The following NUDC variants were observed in gnomAD, a reference collection of about 807,000 sequenced individuals.
The protein encoded by NUDC is nuclear migration protein nudC.
NUDC carries 14 observed loss-of-function variants against 45.0 expected under a neutral mutation model. The observed-to-expected ratio is 0.31, with a 90% CI of 0.21 to 0.49. NUDC has a LOEUF of 0.49. NUDC is among the 20% of genes least tolerant of loss of function. The pLI, the probability that NUDC is intolerant of heterozygous loss-of-function variation, is 0.99. For synonymous variants in NUDC, 153 were observed against 156.7 expected (o/e 0.98, Z 0.17); for missense variants, 323 against 426.2 (o/e 0.76, Z 2.13).
At chr1:26,925,260 G>A (rs561890911) in intron 2 of NUDC, among the ~76,000 whole-genome samples, 2 of 151,374 alleles carry the variant, frequency 1.3e-5, no homozygotes, top group South Asian at 4.2e-4. Flanking sequence ...AATTTAGAAG[G>A]CCGGGCGCGG....
rs773045340 is a variant in NUDC at position 26,941,575 on chromosome 1, A to G, written c.278A>G (p.Lys93Arg). The G allele has an allele frequency of 3.7e-6, 6 of 1,611,920 alleles. No individual in the cohort carries two copies. In the African/African-American group the frequency reaches 8.0e-5, roughly 22 times the overall value. Residue 93 changes from lysine to arginine, a missense_variant, in exon 3 of 9, where the codon AAG becomes AGG. Coordinates refer to ENST00000321265, the MANE Select transcript of NUDC (RefSeq NM_006600.4). ...EKAERAARLA[K>R]EAKSETSGPQ... ...GCGGAGCGGGCGGCCAGACTGGCCA[A>G]GGAAGCCAAGTCAGAGACCTCAGGG...
At chr1:26,923,617 C>T (rs1164029367) in intron 1 of NUDC, among the ~76,000 whole-genome samples, 1 of 152,010 alleles carries the variant, frequency 6.6e-6, no homozygotes, top group Non-Finnish European at 1.5e-5. Context: ...TTACAGGTGC[C>T]CACCACCTGT....
intron 2 of NUDC, among the ~76,000 whole-genome samples, chr1:26,931,249 T>C (rs993489427): frequency 1.3e-5 from 2 of 150,338 alleles, no homozygotes; most frequent in African/African-American, 4.9e-5. Flanking sequence ...GGCTAATTTT[T>C]GTATTTTTAG....
chr1:26,945,366 A>AC, intron 6 of NUDC, 24 bp from the exon 7 acceptor site: 2 of 1,608,088 alleles, frequency 1.2e-6, no homozygotes, highest in Non-Finnish European at 8.5e-7. Flanking sequence ...GCCACCTCCC[A>AC]CCCTCTGGTT....
chr1:26,939,048 T>G (rs2082257265), intron 2 of NUDC, among the ~76,000 whole-genome samples: 1 of 152,156 alleles, frequency 6.6e-6, no homozygotes, highest in African/African-American at 2.4e-5. Flanking sequence ...TTACCCAGGC[T>G]GGTGGCGCGA....
chr1:26,923,585 T>A (rs1186677487), intron 1 of NUDC, among the ~76,000 whole-genome samples: 1 of 152,124 alleles, frequency 6.6e-6, no homozygotes, highest in Non-Finnish European at 1.5e-5. Context: ...ATTCTCTGCC[T>A]CAGCCTCCCA....
chr1:26,941,887 G>T, intron 4 of NUDC, 69 bp downstream of exon 4: 1 of 1,451,416 alleles, frequency 6.9e-7, no homozygotes, highest in South Asian at 1.2e-5. Context: ...CCTGCCTACT[G>T]CTTTCTCTGG....
chr1:26,934,033 T>A (rs191925602), intron 2 of NUDC, among the ~76,000 whole-genome samples: 2 of 152,080 alleles, frequency 1.3e-5, no homozygotes, highest in East Asian at 1.9e-4. Flanking sequence ...TGTGCCTGTA[T>A]TCCCAGCCAC....
chr1:26,921,808 C>G lies in NUDC; in HGVS notation c.-41C>G. On this transcript the variant is annotated 5_prime_UTR_variant, in exon 1 of 9. Transcript: ENST00000321265. Reference sequence around the variant, plus strand: ...CCGCAGGAGCGTAGAGAGCGCGGGACTAGAGTGCAGAGCTCCGGGACGTGG... The same window carrying G: ...CCGCAGGAGCGTAGAGAGCGCGGGAGTAGAGTGCAGAGCTCCGGGACGTGG... The G allele has an allele frequency of 1.3e-6, 2 of 1,542,836 alleles. No homozygotes were observed. The highest frequency in any genetic ancestry group is 1.8e-6 in the Non-Finnish European group (2 of 1,140,902).
chr1:26,922,156 C>G (rs2082096890), intron 1 of NUDC: 1 of 589,706 alleles, frequency 1.7e-6, no homozygotes, highest in Non-Finnish European at 3.0e-6. Flanking sequence ...ATTATCGCAT[C>G]CCTGAGCTTA....
chr1:26,926,574 G>A (rs2082134500), intron 2 of NUDC, among the ~76,000 whole-genome samples: 1 of 151,918 alleles, frequency 6.6e-6, no homozygotes, highest in Non-Finnish European at 1.5e-5. Context: ...AGTTTTTATA[G>A]CTTTTGGGAC....
At chr1:26,937,939 G>A (rs968855884) in intron 2 of NUDC, among the ~76,000 whole-genome samples, 5 of 152,274 alleles carry the variant, frequency 3.3e-5, no homozygotes, top group Middle Eastern at 3.4e-3. Context: ...GGGAGCCCCC[G>A]TGCCCGACCT....
upstream of NUDC, among the ~76,000 whole-genome samples, chr1:26,921,433 G>A (rs377506948): frequency 6.6e-5 from 10 of 152,300 alleles, 1 homozygote; most frequent in East Asian, 1.7e-3. Flanking sequence ...AGCTGGGGGG[G>A]TCGCTAGCAA....
At chr1:26,931,777 A>G (rs1332143264) in intron 2 of NUDC, among the ~76,000 whole-genome samples, 1 of 147,248 alleles carries the variant, frequency 6.8e-6, no homozygotes, top group Non-Finnish European at 1.5e-5. Context: ...CTCCATCTCA[A>G]AAAAAAAAAG....
At chr1:26,943,196 A>C (rs917722057) in intron 6 of NUDC, 131 bp downstream of exon 6, 26 of 961,986 alleles carry the variant, frequency 2.7e-5, no homozygotes, top group Non-Finnish European at 4.1e-5. Context: ...ACACTCTTTA[A>C]AGTAGATCTG....
chr1:26,913,554 ACTG>A (rs2082041443), intron 3 of NUDC: 1 of 1,613,932 alleles, frequency 6.2e-7, no homozygotes. Flanking sequence ...CACTGCCTCC[ACTG>A]CTGCTGGGCT....
intron 2 of NUDC, among the ~76,000 whole-genome samples, chr1:26,936,082 C>T (rs1479224173): frequency 1.5e-5 from 2 of 133,414 alleles, no homozygotes; most frequent in African/African-American, 5.6e-5. Flanking sequence ...AGTTCTTCTG[C>T]CTCAGCCTCC....
rs199535971 is a variant in NUDC, at chr1:26,940,928, A to AT, written c.160-527dup. Among the ~76,000 whole-genome samples the AT allele has an allele frequency of 3.9e-3, 555 of 142,120 alleles. 2 individuals are homozygous for AT. Among genetic ancestry groups the AT allele is most frequent in the African/African-American group, 0.013 (496 of 37,366 alleles). The allele number at this position is 142,120 out of a possible 152,430, so 93.2% of individuals were successfully genotyped here. Reference sequence around the variant, plus strand: ...GTCTCCAATTCCTTTATTTATTATTATTATTTTTTTTTGAGATGGAGTCTT... The same window carrying AT: ...GTCTCCAATTCCTTTATTTATTATTATTTATTTTTTTTTGAGATGGAGTCTT... On this transcript the variant is annotated intron_variant, in intron 2 of 8. Coordinates refer to ENST00000321265, the MANE Select transcript of NUDC (RefSeq NM_006600.4).
chr1:26,936,920 G>T (rs1255698996), intron 2 of NUDC, among the ~76,000 whole-genome samples: 1 of 152,060 alleles, frequency 6.6e-6, no homozygotes, highest in Non-Finnish European at 1.5e-5. Context: ...AATTACTGCA[G>T]ACTCCACAGG....
Sources: allele counts gnomAD v4.1 joint callset (sites outside exome capture counted in the v4.1 genomes callset), GRCh38; gene constraint gnomAD v4.1.1; transcripts MANE v1.5; gene names NCBI Gene and HGNC (gene_info 2026-07-23, HGNC 2026-07-21).